Variants in RFX8 observed in about 807,000 individuals in gnomAD.
The protein encoded by RFX8 is regulatory factor X8, also known as DNA-binding protein RFX8.
A neutral mutation model predicts 54.6 loss-of-function variants in RFX8; 46 were observed. The observed-to-expected ratio is 0.84, with a 90% CI of 0.67 to 1.08. The LOEUF is 1.08. Among genes scored for constraint, RFX8 ranks in the 50% least tolerant of loss-of-function variants. The probability of loss-of-function intolerance (pLI) is 0.00; values close to 1 mark genes in which losing one functional copy is unlikely to be tolerated. For synonymous variants in RFX8, 192 were observed against 209.5 expected (o/e 0.92, Z 0.72); for missense variants, 536 against 562.3 (o/e 0.95, Z 0.47).
intron 1 of RFX8, among the ~76,000 whole-genome samples, chr2:101,470,608 C>G (rs1009178222): frequency 6.6e-5 from 10 of 151,716 alleles, no homozygotes; most frequent in African/African-American, 2.4e-4. Context: ...ATCTTGAGAC[C>G]GTTCATGATG....
Position 101,402,540 on chromosome 2 carries a change from C to G in RFX8, c.1141G>C (p.Gly381Arg). 1 of 1,551,802 alleles carries G rather than the reference C, an allele frequency of 6.4e-7. No individual in the cohort carries two copies. Among genetic ancestry groups the G allele is most frequent in the Non-Finnish European group, 8.7e-7 (1 of 1,147,030 alleles). Residue 381 changes from glycine to arginine, a missense_variant, in exon 11 of 12, where the codon GGG (glycine) becomes CGG (arginine). Coordinates refer to ENST00000428343, the MANE Select transcript of RFX8 (RefSeq NM_001145664.2). ...TGGCCCATGTGTGTGGGCATCACCC[C>G]CAGTGGCTCCATGCTGGGGCTGGCA... ...ACASPSMEPLGVMPTHMGQGR... is the reference protein window; with the variant it reads ...ACASPSMEPLRVMPTHMGQGR...
chr2:101,413,287 G>C (rs1460690005), intron 7 of RFX8, among the ~76,000 whole-genome samples: 1 of 152,122 alleles, frequency 6.6e-6, no homozygotes, highest in Non-Finnish European at 1.5e-5. Context: ...GCATCTCTAG[G>C]AAGATGCGTT....
At position 101,459,768 on chromosome 2, in the gene RFX8, G is replaced by A. The variant is rs137901358; in HGVS notation, c.72+7009C>T. Among the ~76,000 whole-genome samples, 509 of 152,304 alleles carry A rather than the reference G, an allele frequency of 3.3e-3. 4 individuals are homozygous for A. The highest frequency in any genetic ancestry group is 0.011 in the African/African-American group (437 of 41,568). ...TGGGAGAACCACGGCTTTCTTCAGA[G>A]CTGTCAGACAGGGACGTTTAAGTCT... is the stretch of plus-strand genomic sequence containing the variant. On this transcript the variant is annotated intron_variant, in intron 2 of 11. Transcript: ENST00000428343.
At chr2:101,409,048 T>C (rs1685931324) in intron 9 of RFX8, among the ~76,000 whole-genome samples, 1 of 152,180 alleles carries the variant, frequency 6.6e-6, no homozygotes. Context: ...ACTCCTGCTC[T>C]TGAATGCCCG....
At chr2:101,423,677 T>C (rs907506967) in intron 2 of RFX8, among the ~76,000 whole-genome samples, 1 of 152,144 alleles carries the variant, frequency 6.6e-6, no homozygotes, top group African/African-American at 2.4e-5. Flanking sequence ...AGCTACTCAC[T>C]TATAGAATTG....
intron 1 of RFX8, among the ~76,000 whole-genome samples, chr2:101,469,705 G>T (rs1689869325): frequency 6.6e-6 from 1 of 152,060 alleles, no homozygotes; most frequent in African/African-American, 2.4e-5. Flanking sequence ...GTTCTTTCCT[G>T]TGACAGACGC....
chr2:101,417,487 T>C lies in RFX8; in HGVS notation c.502+47A>G, dbSNP rs757234169. 9.2e-6 allele frequency: 14 copies of C among 1,514,376 alleles called. No homozygotes were observed. The South Asian group carries it at 1.7e-4, about 18-fold the overall frequency. 93.8% of individuals were successfully genotyped at this position (1,514,376 alleles called of 1,614,324 possible). A position where few individuals can be genotyped will look rare whatever the true frequency, so the allele number is the denominator to read the frequency against. Reference sequence around the variant, plus strand: ...TTCCAAAGTGCTGGGATTACAGGCATGAGCCACTGTGCCAGCCCAGAATTT... The same window carrying C: ...TTCCAAAGTGCTGGGATTACAGGCACGAGCCACTGTGCCAGCCCAGAATTT... On this transcript the variant is annotated intron_variant, in intron 6 of 11. Coordinates refer to ENST00000428343, the MANE Select transcript of RFX8 (RefSeq NM_001145664.2).
rs1264872533 is a variant in RFX8 at position 101,417,768 on chromosome 2, G to T, written c.352-84C>A. ...TTATGCATGCCACAGGGACAGGGCGGGTCTCAAGAAGTCTGAGAGCGGGTC... is the reference window on the plus strand; with the variant it reads ...TTATGCATGCCACAGGGACAGGGCGTGTCTCAAGAAGTCTGAGAGCGGGTC... On this transcript the variant is annotated intron_variant, in intron 5 of 11. Transcript: ENST00000428343. 4.1e-6 allele frequency: 5 copies of T among 1,220,350 alleles called. No individual in the cohort carries two copies. The East Asian group carries it at 8.1e-5, about 20-fold the overall frequency. 75.6% of individuals were successfully genotyped at this position (1,220,350 alleles called of 1,614,324 possible). A position where few individuals can be genotyped will look rare whatever the true frequency, so the allele number is the denominator to read the frequency against.
chr2:101,460,977 T>G (rs906596458), intron 2 of RFX8, among the ~76,000 whole-genome samples: 1 of 150,890 alleles, frequency 6.6e-6, no homozygotes, highest in Non-Finnish European at 1.5e-5. Flanking sequence ...GGGAGAAAAA[T>G]GACAGGAGAC....
chr2:101,423,278 A>C (rs528920396), intron 2 of RFX8, among the ~76,000 whole-genome samples: 421 of 150,222 alleles, frequency 2.8e-3, no homozygotes, highest in Non-Finnish European at 5.5e-3. Flanking sequence ...AAAAAAAAAG[A>C]AGCAATTACA....
intron 2 of RFX8, among the ~76,000 whole-genome samples, chr2:101,454,679 G>C (rs1355033005): frequency 6.6e-6 from 1 of 152,154 alleles, no homozygotes; most frequent in African/African-American, 2.4e-5. Context: ...GTGTCTGTTG[G>C]CTGCATAAAT....
At chr2:101,432,538 G>A (rs1687545653) in intron 2 of RFX8, among the ~76,000 whole-genome samples, 1 of 152,236 alleles carries the variant, frequency 6.6e-6, no homozygotes, top group African/African-American at 2.4e-5. Flanking sequence ...AGCAGGTGCA[G>A]GGAGCGTGAG....
intron 1 of RFX8, among the ~76,000 whole-genome samples, chr2:101,468,228 C>T (rs1414402732): frequency 6.6e-6 from 1 of 152,216 alleles, no homozygotes; most frequent in Non-Finnish European, 1.5e-5. Context: ...GAAATGTATT[C>T]TCACAGTTCT....
At chr2:101,424,722 T>C (rs1687076773) in intron 2 of RFX8, among the ~76,000 whole-genome samples, 1 of 152,150 alleles carries the variant, frequency 6.6e-6, no homozygotes, top group East Asian at 1.9e-4. Flanking sequence ...TATAGTGACA[T>C]GGATGAAGCT....
At chr2:101,428,801 G>T (rs1687326131) in intron 2 of RFX8, among the ~76,000 whole-genome samples, 1 of 152,366 alleles carries the variant, frequency 6.6e-6, no homozygotes, top group East Asian at 1.9e-4. Context: ...TGTGGAAAGT[G>T]GTGGCACTGA....
intron 2 of RFX8, among the ~76,000 whole-genome samples, chr2:101,466,266 G>A (rs1032491488): frequency 4.1e-5 from 6 of 146,948 alleles, no homozygotes; most frequent in African/African-American, 1.3e-4. Context: ...CCAAGATCAC[G>A]CCATTGCTGT....
intron 2 of RFX8, among the ~76,000 whole-genome samples, chr2:101,453,046 A>G (rs1466552427): frequency 7.8e-6 from 1 of 128,668 alleles, no homozygotes; most frequent in East Asian, 2.1e-4. Flanking sequence ...TGGGAGGTGG[A>G]GGTTGCAGTG....
chr2:101,444,844 A>G (rs900570410), intron 2 of RFX8, among the ~76,000 whole-genome samples: 3 of 152,246 alleles, frequency 2.0e-5, no homozygotes, highest in African/African-American at 7.2e-5. Flanking sequence ...CAGATGCTGC[A>G]CTAAGCATTT....
At chr2:101,410,417 A>ACTCT in intron 9 of RFX8, among the ~76,000 whole-genome samples, 1 of 147,918 alleles carries the variant, frequency 6.8e-6, no homozygotes, top group East Asian at 2.0e-4. Flanking sequence ...ACACACACAC[A>ACTCT]CTTATGTGAT....
Sources: gnomAD v4.1 joint callset for allele counts (sites outside exome capture counted in the v4.1 genomes callset) on GRCh38, gnomAD v4.1.1 for gene constraint, MANE v1.5 for transcripts, NCBI Gene and HGNC (gene_info 2026-07-23, HGNC 2026-07-21) for gene names.